The following CEP85L variants were observed in gnomAD, a reference collection of about 807,000 sequenced individuals.
CEP85L encodes the protein centrosomal protein 85L, also known as centrosomal protein of 85 kDa-like.
CEP85L carries 60 observed loss-of-function variants against 100.3 expected under a neutral mutation model. That is an observed-to-expected ratio of 0.60 (90% confidence interval 0.49 to 0.74). The LOEUF (loss-of-function observed/expected upper bound fraction) is 0.74. Ranked by LOEUF, CEP85L falls within the 30% of genes least tolerant of loss-of-function variation. The probability of loss-of-function intolerance (pLI) is 0.00; values close to 1 mark genes in which losing one functional copy is unlikely to be tolerated. For missense variants in CEP85L, 973 were observed against 936.2 expected (o/e 1.04, Z -0.51); for synonymous variants, 319 against 322.7 (o/e 0.99, Z 0.12).
chr6:118,630,481 C>G (rs1583195789), intron 2 of CEP85L, among the ~76,000 whole-genome samples: 1 of 152,184 alleles, frequency 6.6e-6, no homozygotes, highest in Non-Finnish European at 1.5e-5. Flanking sequence ...AAAACCTACA[C>G]ACGGCTGTTT....
intron 1 of CEP85L, among the ~76,000 whole-genome samples, chr6:118,679,889 G>T (rs1469525783): frequency 6.6e-6 from 1 of 151,790 alleles, no homozygotes; most frequent in African/African-American, 2.4e-5. Context: ...AGAAAAAGAG[G>T]GTGTTTCTAT....
intron 2 of CEP85L, among the ~76,000 whole-genome samples, chr6:118,586,357 C>A (rs1016287426): frequency 1.3e-5 from 2 of 152,126 alleles, no homozygotes; most frequent in Non-Finnish European, 2.9e-5. Context: ...AAGCATGTAA[C>A]CTCTCTGGCT....
At chr6:118,619,849 G>A (rs1240002224) in intron 2 of CEP85L, among the ~76,000 whole-genome samples, 1 of 152,166 alleles carries the variant, frequency 6.6e-6, no homozygotes, top group Admixed American at 6.5e-5. Context: ...AGCTTTAGCG[G>A]CAGCCCAGCA....
chr6:118,569,343 A>C (rs1779744416), intron 2 of CEP85L, among the ~76,000 whole-genome samples: 1 of 34,418 alleles, frequency 2.9e-5, no homozygotes, highest in Non-Finnish European at 1.1e-4. Flanking sequence ...CTCTGTCTCA[A>C]AAAAAAAAAA....
At chr6:118,630,975 C>T (rs374653607) in intron 2 of CEP85L, among the ~76,000 whole-genome samples, 3 of 152,240 alleles carry the variant, frequency 2.0e-5, no homozygotes, top group Non-Finnish European at 4.4e-5. Flanking sequence ...CCAACCACCC[C>T]ACTCCACCCT....
At chr6:118,492,258 T>G (rs745490107) in intron 5 of CEP85L, among the ~76,000 whole-genome samples, 12 of 152,004 alleles carry the variant, frequency 7.9e-5, no homozygotes, top group Non-Finnish European at 1.3e-4. Context: ...TCTAAGTAAA[T>G]AAATAAAAAC....
intron 4 of CEP85L, among the ~76,000 whole-genome samples, chr6:118,521,050 GATAAT>G (rs1175406822): frequency 2.0e-5 from 3 of 152,036 alleles, no homozygotes; most frequent in African/African-American, 7.2e-5. Context: ...TGTAATTTTG[GATAAT>G]ATATTTTCAG....
At chr6:118,625,424 G>C (rs1051743861) in intron 2 of CEP85L, among the ~76,000 whole-genome samples, 3 of 152,124 alleles carry the variant, frequency 2.0e-5, no homozygotes, top group African/African-American at 7.2e-5. Context: ...ATACTGGGTG[G>C]GCTTGGGACA....
chr6:118,594,297 G>A (rs1266060296), intron 2 of CEP85L, among the ~76,000 whole-genome samples: 2 of 152,044 alleles, frequency 1.3e-5, no homozygotes, highest in Non-Finnish European at 2.9e-5. Flanking sequence ...CTTCCTTTCT[G>A]ATATATATCC....
rs1276331085 is a variant in CEP85L, at chr6:118,461,522, G to C, written c.*3883C>G. On this transcript the variant is annotated 3_prime_UTR_variant, in exon 13 of 13. Transcript: ENST00000368491. ...ATAAATGCTTACTGCAGGCAAAAAG[G>C]CACAAAAGGTTCTCTCTGTGTACAG... 1 of 151,904 alleles carries C rather than the reference G, an allele frequency of 6.6e-6. No individual in the cohort carries two copies. Among genetic ancestry groups the C allele is most frequent in the Non-Finnish European group, 1.5e-5 (1 of 67,922 alleles). The allele number at this position is 151,904 out of a possible 1,614,324, so 9.4% of individuals were successfully genotyped here.
At chr6:118,571,217 T>C (rs1779868312) in intron 2 of CEP85L, among the ~76,000 whole-genome samples, 2 of 152,332 alleles carry the variant, frequency 1.3e-5, no homozygotes, top group South Asian at 4.1e-4. Flanking sequence ...CAATTCCTAA[T>C]GTGCTTGATT....
intron 1 of CEP85L, 117 bp from the exon 2 acceptor site, chr6:118,632,728 C>A: frequency 3.1e-6 from 2 of 655,586 alleles, no homozygotes; most frequent in Non-Finnish European, 4.7e-6. Flanking sequence ...CTTTTCTGCC[C>A]AAAATAATTT....
rs146827297 is a variant in CEP85L, at chr6:118,609,886, T to C, written c.232+22567A>G. Reference sequence around the variant, plus strand: ...AGTTCCTGTCCTATGATACAAACAATAGGCAAACCCAAAATAAAGCAGGGG... The same window carrying C: ...AGTTCCTGTCCTATGATACAAACAACAGGCAAACCCAAAATAAAGCAGGGG... On this transcript the variant is annotated intron_variant, in intron 2 of 12. Transcript: ENST00000368491. 3.8e-3 allele frequency among the ~76,000 whole-genome samples: 576 copies of C among 151,740 alleles called. 3 individuals carry two copies. The highest frequency in any genetic ancestry group is 0.013 in the African/African-American group (543 of 41,356).
intron 1 of CEP85L, among the ~76,000 whole-genome samples, chr6:118,707,424 G>A (rs1777629643): frequency 1.3e-5 from 2 of 151,896 alleles, no homozygotes; most frequent in East Asian, 1.9e-4. Flanking sequence ...AAACTCCTGG[G>A]CTCAAGCAAT....
In CEP85L at chr6:118,523,891, A is replaced by G. The variant is rs762188036; in HGVS notation, c.1050T>C (p.Tyr350=). 6.8e-6 allele frequency: 11 copies of G among 1,606,546 alleles called. 1 individual carries two copies. The highest frequency in any genetic ancestry group is 4.4e-5 in the South Asian group (4 of 90,396). The change falls in exon 4 of 13, where the codon TAT becomes TAC. Residue 350 remains tyrosine, a synonymous_variant. Coordinates refer to ENST00000368491, the MANE Select transcript of CEP85L (RefSeq NM_001042475.3). The stretch of plus-strand genomic sequence containing the variant: ...TACTGAAATCCTGATAGCCAGGTGA[A>G]TAACTTTGACGAGATGATCCAGTCA... ...QVLTGSSRQS[Y]SPGYQDFSKW... is the part of the protein sequence containing the mutation.
intron 3 of CEP85L, among the ~76,000 whole-genome samples, chr6:118,530,093 C>T (rs952198787): frequency 2.0e-5 from 3 of 151,658 alleles, no homozygotes; most frequent in Non-Finnish European, 2.9e-5. Context: ...AAAGTTACCA[C>T]GAAGATAAAA....
intron 7 of CEP85L, among the ~76,000 whole-genome samples, chr6:118,483,208 G>A (rs1193662569): frequency 6.6e-6 from 1 of 151,720 alleles, no homozygotes; most frequent in Non-Finnish European, 1.5e-5. Flanking sequence ...CCTCAGTTAG[G>A]AGAAAGACTC....
At chr6:118,478,062 G>T (rs898241334) in intron 10 of CEP85L, among the ~76,000 whole-genome samples, 15 of 152,178 alleles carry the variant, frequency 9.9e-5, no homozygotes, top group Non-Finnish European at 1.8e-4. Flanking sequence ...AAAGTGAAGG[G>T]AATTGCTGTA....
chr6:118,465,461 T>C lies in CEP85L; in HGVS notation c.2362A>G (p.Thr788Ala). Reference protein sequence around the residue: ...QLRRDIDELRTTISDRYAQDM... With the variant: ...QLRRDIDELRATISDRYAQDM... ...TGAGCATAGCGGTCTGATATTGTAG[T>C]CCTTAATTCATCAATGTCTCTTCGT... Residue 788 changes from threonine (T) to alanine (A), a missense_variant, in exon 13 of 13, where the codon ACT becomes GCT. Physicochemically the swap from Thr to Ala is moderately conservative, Grantham distance 58. Coordinates refer to ENST00000368491, the MANE Select transcript of CEP85L (RefSeq NM_001042475.3). 6.2e-7 allele frequency: 1 copy of C among 1,613,658 alleles called. No homozygotes were observed. Among genetic ancestry groups the C allele is most frequent in the Non-Finnish European group, 8.5e-7 (1 of 1,179,666 alleles).
Sources: allele counts gnomAD v4.1 joint callset (sites outside exome capture counted in the v4.1 genomes callset), GRCh38; gene constraint gnomAD v4.1.1; transcripts MANE v1.5; gene names NCBI Gene and HGNC (gene_info 2026-07-23, HGNC 2026-07-21).